Variants in NFATC2IP observed in about 807,000 individuals in gnomAD.
NFATC2IP encodes nuclear factor of activated T cells 2 interacting protein.
Under a neutral mutation model 40.2 loss-of-function variants are expected in NFATC2IP, and 25 were observed. The observed-to-expected ratio is 0.62, with a 90% CI of 0.45 to 0.87. The LOEUF (loss-of-function observed/expected upper bound fraction) is 0.87. Ranked by LOEUF, NFATC2IP falls within the 40% of genes least tolerant of loss-of-function variation. NFATC2IP has a pLI of 0.00. For missense variants in NFATC2IP, 553 were observed against 555.6 expected (o/e 1.00, Z 0.05); for synonymous variants, 241 against 236.3 (o/e 1.02, Z -0.18).
chr16:28,955,412 C>T (rs143722401), intron 3 of NFATC2IP, among the ~76,000 whole-genome samples: 7 of 152,182 alleles, frequency 4.6e-5, no homozygotes, highest in African/African-American at 1.7e-4. Context: ...ATGGTAAGTG[C>T]TTGCCGTCTG....
At position 28,963,903 on chromosome 16, in the gene NFATC2IP, GA is replaced by G. The variant is rs1965115954; in HGVS notation, c.*41del. 5 of 1,600,904 alleles carry G rather than the reference GA, an allele frequency of 3.1e-6. No individual in the cohort carries two copies. The Admixed American group carries it at 8.5e-5, about 27-fold the overall frequency. On this transcript the variant is annotated 3_prime_UTR_variant, in exon 8 of 8. Coordinates refer to ENST00000320805, the MANE Select transcript of NFATC2IP (RefSeq NM_032815.4). Reference sequence around the variant, plus strand: ...TTTGACGGCCCAGCCTGGACTTGGGGAGAATGACTTTCCCTTTTTTGCCCCA... The same window carrying G: ...TTTGACGGCCCAGCCTGGACTTGGGGGAATGACTTTCCCTTTTTTGCCCCA...
chr16:28,954,270 G>T (rs1964996480), intron 2 of NFATC2IP, among the ~76,000 whole-genome samples: 1 of 152,070 alleles, frequency 6.6e-6, no homozygotes, highest in Admixed American at 6.6e-5. Flanking sequence ...GGTTTGTGAT[G>T]ATCTTTTATT....
At chr16:28,960,121 T>C (rs1460204727) in intron 7 of NFATC2IP, among the ~76,000 whole-genome samples, 1 of 152,158 alleles carries the variant, frequency 6.6e-6, no homozygotes, top group Non-Finnish European at 1.5e-5. Context: ...GTGTTCTCCA[T>C]GTGTCTCTGT....
chr16:28,951,329 G>C lies in NFATC2IP; in HGVS notation c.318G>C (p.Pro106=), dbSNP rs771861707. ...DRRPAGPPRE[P]VRRRRRLVLD... Reference sequence around the variant, plus strand: ...GGCCCGCAGGACCCCCGCGGGAGCCGGTCAGGCGGCGGCGGCGGCTGGTGC... The same window carrying C: ...GGCCCGCAGGACCCCCGCGGGAGCCCGTCAGGCGGCGGCGGCGGCTGGTGC... Residue 106 remains proline, a synonymous_variant, in exon 1 of 8, where the codon CCG becomes CCC. Transcript: ENST00000320805. 7.1e-7 allele frequency: 1 copy of C among 1,407,450 alleles called. No individual in the cohort carries two copies. The highest frequency in any genetic ancestry group is 3.2e-5 in the Admixed American group (1 of 30,990). 87.2% of individuals were successfully genotyped at this position (1,407,450 alleles called of 1,614,324 possible).
At chr16:28,963,675 T>G (rs748402477) in intron 7 of NFATC2IP, 30 bp from the exon 8 acceptor site, 2 of 1,609,682 alleles carry the variant, frequency 1.2e-6, no homozygotes, top group Non-Finnish European at 1.7e-6. Flanking sequence ...TTTCATGTTC[T>G]GACGTCCATT....
In NFATC2IP at chr16:28,966,938, T is replaced by A. The variant is rs1965154235; in HGVS notation, c.*3075T>A. ...ATGTCAACTTCTTAAAATGTTTTAT[T>A]GAAATGTGGCATTCCTTTGAATTTT... On this transcript the variant is annotated 3_prime_UTR_variant, in exon 8 of 8. Transcript: ENST00000320805. 6.6e-6 allele frequency: 1 copy of A among 152,240 alleles called. No individual in the cohort carries two copies. Among genetic ancestry groups the A allele is most frequent in the Non-Finnish European group, 1.5e-5 (1 of 68,044 alleles). The allele number at this position is 152,240 out of a possible 1,614,324, so 9.4% of individuals were successfully genotyped here.
Position 28,951,486 on chromosome 16 carries a change from T to TA in NFATC2IP, c.387+89dup, listed in dbSNP as rs754435375. 5.4e-5 allele frequency: 68 copies of TA among 1,252,322 alleles called. No individual in the cohort carries two copies. In the South Asian group the frequency reaches 6.0e-4, roughly 11 times the overall value. 77.6% of individuals were successfully genotyped at this position (1,252,322 alleles called of 1,614,324 possible). On this transcript the variant is annotated intron_variant, in intron 1 of 7. Coordinates refer to ENST00000320805, the MANE Select transcript of NFATC2IP (RefSeq NM_032815.4). ...CCGGCGTTCGGGGAGGGTAGGGCTA[T>TA]AGGGGTGTTGAGGCTGGCGTTCTGG... is the stretch of plus-strand genomic sequence containing the variant.
chr16:28,954,518 G>A, intron 2 of NFATC2IP, 47 bp from the exon 3 acceptor site: 3 of 1,323,990 alleles, frequency 2.3e-6, no homozygotes, highest in Non-Finnish European at 2.2e-6. Flanking sequence ...GCCTTCGCTG[G>A]CCTCCCTTGG....
intron 2 of NFATC2IP, among the ~76,000 whole-genome samples, chr16:28,953,412 A>G (rs1017116472): frequency 6.6e-6 from 1 of 152,136 alleles, no homozygotes; most frequent in African/African-American, 2.4e-5. Context: ...CAATTTCCTC[A>G]TTATCAAAGT....
rs142484033 is a variant in NFATC2IP at position 28,960,283 on chromosome 16, G to A, written c.1101+1183G>A. ...ATTTACTAGGGGTTAGGACCACAAA[G>A]TGCCTTTTCAGGGGAATACAGTTCA... On this transcript the variant is annotated intron_variant, in intron 7 of 7. Coordinates refer to ENST00000320805, the MANE Select transcript of NFATC2IP (RefSeq NM_032815.4). 3.2e-4 allele frequency among the ~76,000 whole-genome samples: 48 copies of A among 152,260 alleles called. No individual in the cohort carries two copies. The East Asian group carries it at 4.4e-3, about 14-fold the overall frequency.
Position 28,963,862 on chromosome 16 carries a change from G to T in NFATC2IP, c.1259G>T (p.Ter420LeuextTer23). 2 of 1,614,006 alleles carry T rather than the reference G, an allele frequency of 1.2e-6. No homozygotes were observed. Among genetic ancestry groups the T allele is most frequent in the South Asian group, 2.2e-5 (2 of 91,072 alleles). Reference sequence around the variant, plus strand: ...GGGGACCTCATTGAGGTCTGGGGCTGACACCCCACTCCCTGTTTGACGGCC... The same window carrying T: ...GGGGACCTCATTGAGGTCTGGGGCTTACACCCCACTCCCTGTTTGACGGCC... ...ESGDLIEVWG[*>L] Residue 420 changes from the stop codon to leucine, a stop_lost, in exon 8 of 8, where the codon TGA (stop) becomes TTA (leucine). Coordinates refer to ENST00000320805, the MANE Select transcript of NFATC2IP (RefSeq NM_032815.4).
chr16:28,956,455 G>C, intron 5 of NFATC2IP, 118 bp downstream of exon 5: 1 of 700,200 alleles, frequency 1.4e-6, no homozygotes, highest in Non-Finnish European at 2.4e-6. Context: ...CTGCTCTCTA[G>C]AGCTGCCCAT....
At position 28,956,069 on chromosome 16, in the gene NFATC2IP, C is replaced by CAGGG; in HGVS notation, c.659+12_659+15dup. On this transcript the variant is annotated intron_variant, in intron 4 of 7. Transcript: ENST00000320805. The stretch of plus-strand genomic sequence containing the variant: ...ACTCAAGAAGTTAAGGTGCCAAGTG[C>CAGGG]AGGGGCTCTGGCTGGGATGGAAGAG... 1 of 1,613,922 alleles carries CAGGG rather than the reference C, an allele frequency of 6.2e-7. No individual in the cohort carries two copies. The highest frequency in any genetic ancestry group is 8.5e-7 in the Non-Finnish European group (1 of 1,179,830).
intron 7 of NFATC2IP, among the ~76,000 whole-genome samples, chr16:28,960,796 C>G (rs1965076800): frequency 6.6e-6 from 1 of 152,078 alleles, no homozygotes; most frequent in African/African-American, 2.4e-5. Context: ...AACTTTTATT[C>G]CAGTTACCAA....
chr16:28,962,475 T>C (rs1420606334), intron 7 of NFATC2IP, among the ~76,000 whole-genome samples: 2 of 152,126 alleles, frequency 1.3e-5, no homozygotes, highest in Non-Finnish European at 2.9e-5. Context: ...GATTAAACCA[T>C]GGGCTATTGG....
chr16:28,952,690 TGA>T (rs2141638539), intron 2 of NFATC2IP: 2 of 153,124 alleles, frequency 1.3e-5, no homozygotes, highest in African/African-American at 4.9e-5. Flanking sequence ...TACAGTGGGG[TGA>T]TTAAAAGCAA....
chr16:28,953,036 T>G (rs1964984538), intron 2 of NFATC2IP, among the ~76,000 whole-genome samples: 1 of 151,934 alleles, frequency 6.6e-6, no homozygotes, highest in Non-Finnish European at 1.5e-5. Flanking sequence ...GTGCCCGGCC[T>G]CAGCTCTATC....
Position 28,951,123 on chromosome 16 carries a change from C to G in NFATC2IP, c.112C>G (p.Pro38Ala), listed in dbSNP as rs765825367. The change falls in exon 1 of 8, where the codon CCA becomes GCA. Residue 38 changes from proline (P) to alanine (A), a missense_variant. Coordinates refer to ENST00000320805, the MANE Select transcript of NFATC2IP (RefSeq NM_032815.4). The part of the protein sequence containing the change: ...RGRRPRAQRS[P>A]SRGTLDVVSV... ...CCGGCGTCCTCGGGCCCAGCGGTCT[C>G]CATCCCGGGGCACGCTGGACGTAGT... is the stretch of plus-strand genomic sequence containing the variant. 2 of 1,545,462 alleles carry G rather than the reference C, an allele frequency of 1.3e-6. No homozygotes were observed. The highest frequency in any genetic ancestry group is 2.4e-5 in the South Asian group (2 of 83,654).
chr16:28,959,731 C>T (rs1016857035), intron 7 of NFATC2IP, among the ~76,000 whole-genome samples: 8 of 151,914 alleles, frequency 5.3e-5, no homozygotes, highest in African/African-American at 1.9e-4. Context: ...ACGTGCTGGG[C>T]TAATTTTTGC....
Sources: allele counts gnomAD v4.1 joint callset (sites outside exome capture counted in the v4.1 genomes callset), GRCh38; gene constraint gnomAD v4.1.1; transcripts MANE v1.5; gene names NCBI Gene and HGNC (gene_info 2026-07-23, HGNC 2026-07-21).